DNAH7: variants seen among roughly 807,000 people sequenced by gnomAD.
The protein encoded by DNAH7 is axonemal beta dynein heavy chain 7.
A neutral mutation model predicts 444.6 loss-of-function variants in DNAH7; 397 were observed. The observed-to-expected ratio is 0.89, with a 90% CI of 0.82 to 0.97. The LOEUF is 0.97. Ranked by LOEUF, DNAH7 falls within the 50% of genes least tolerant of loss-of-function variation. The pLI is 0.00. For synonymous variants in DNAH7, 1,636 were observed against 1,624.4 expected (o/e 1.01, Z -0.17); for missense variants, 4,902 against 4,800.8 (o/e 1.02, Z -0.62).
At chr2:195,764,513 G>T (rs1332879793) in intron 61 of DNAH7, among the ~76,000 whole-genome samples, 1 of 151,978 alleles carries the variant, frequency 6.6e-6, no homozygotes, top group Admixed American at 6.6e-5. Context: ...CAAAAATACT[G>T]TTGGAATTGA....
At position 196,047,342 on chromosome 2, in the gene DNAH7, T is replaced by C. The variant is rs149947005; in HGVS notation, c.398+10A>G. On this transcript the variant is annotated intron_variant, in intron 5 of 64. Transcript: ENST00000312428. ...TGGGTAACACGTAATGGTTAGCCTATACAACTTACATAATGACATTAACAA... is the reference window on the plus strand; with the variant it reads ...TGGGTAACACGTAATGGTTAGCCTACACAACTTACATAATGACATTAACAA... 3.8e-5 allele frequency: 60 copies of C among 1,567,310 alleles called. No homozygotes were observed. Among genetic ancestry groups the C allele is most frequent in the Non-Finnish European group, 4.8e-5 (55 of 1,154,642 alleles).
chr2:196,013,045 A>C, intron 9 of DNAH7, 139 bp from the exon 10 acceptor site: 1 of 537,148 alleles, frequency 1.9e-6, no homozygotes, highest in East Asian at 3.6e-5. Flanking sequence ...TAAATGTTAA[A>C]GAACACAAGA....
chr2:195,955,902 A>G (rs2125504522), intron 19 of DNAH7, among the ~76,000 whole-genome samples: 1 of 152,322 alleles, frequency 6.6e-6, no homozygotes, highest in Middle Eastern at 3.4e-3. Flanking sequence ...GACTGAATTT[A>G]TGACATAAAT....
chr2:195,775,606 G>T (rs2105947530), intron 60 of DNAH7, among the ~76,000 whole-genome samples: 1 of 147,050 alleles, frequency 6.8e-6, no homozygotes, highest in East Asian at 2.0e-4. Flanking sequence ...GAAGCAGAAT[G>T]ATACTTAAAG....
rs529941531 is a variant in DNAH7 at position 195,816,921 on chromosome 2, T to C, written c.9468A>G (p.Ser3156=). ...EIEDKILEVL[S]SSEGNILEDE... is the part of the protein sequence containing the mutation. The stretch of plus-strand genomic sequence containing the variant: ...CTTCTAATATATTGCCTTCCGAAGA[T>C]GAAAGAACTTCTAAAATCTTGTCTT... Residue 3156 remains serine, a synonymous_variant, in exon 51 of 65, where the codon TCA becomes TCG. Transcript: ENST00000312428. 6.8e-6 allele frequency: 11 copies of C among 1,607,306 alleles called. No homozygotes were observed. The highest frequency in any genetic ancestry group is 9.3e-6 in the Non-Finnish European group (11 of 1,177,086).
chr2:195,919,929 G>A (rs1160218013), intron 24 of DNAH7, among the ~76,000 whole-genome samples: 3 of 152,154 alleles, frequency 2.0e-5, no homozygotes, highest in Non-Finnish European at 4.4e-5. Context: ...GTAGGCTTGT[G>A]TATAGCAAGC....
intron 5 of DNAH7, among the ~76,000 whole-genome samples, chr2:196,045,963 A>T (rs78250202): frequency 0.017 from 2,632 of 152,232 alleles, 80 homozygotes; most frequent in African/African-American, 0.06. Context: ...GAACTCTAAG[A>T]TTGAATTTCA....
intron 5 of DNAH7, among the ~76,000 whole-genome samples, chr2:196,028,846 T>C (rs893751644): frequency 9.9e-5 from 15 of 152,214 alleles, no homozygotes; most frequent in African/African-American, 2.9e-4. Flanking sequence ...TCGAGGTTCA[T>C]TGAGTATATC....
intron 5 of DNAH7, among the ~76,000 whole-genome samples, chr2:196,044,104 C>G (rs1696942103): frequency 6.6e-6 from 1 of 151,920 alleles, no homozygotes; most frequent in Admixed American, 6.6e-5. Context: ...CACTTGCACA[C>G]ACGTTTATAG....
intron 28 of DNAH7, among the ~76,000 whole-genome samples, chr2:195,899,274 G>C (rs1015655568): frequency 5.3e-5 from 8 of 152,112 alleles, no homozygotes; most frequent in African/African-American, 1.9e-4. Context: ...AAAATATTCA[G>C]GCCAGAACAT....
At position 195,880,392 on chromosome 2, in the gene DNAH7, G is replaced by A. The variant is rs190871393; in HGVS notation, c.5961+1403C>T. 3.1e-3 allele frequency among the ~76,000 whole-genome samples: 449 copies of A among 145,704 alleles called. 3 individuals are homozygous for A. Among genetic ancestry groups the A allele is most frequent in the African/African-American group, 0.011 (430 of 39,520 alleles). ...CGCCCAGGCTGGCGTGCAGTGGCGC[G>A]ATCTCGGCTCACTGCAAGCTCCACC... On this transcript the variant is annotated intron_variant, in intron 36 of 64. Coordinates refer to ENST00000312428, the MANE Select transcript of DNAH7 (RefSeq NM_018897.3).
At chr2:196,045,214 G>A (rs1014511423) in intron 5 of DNAH7, among the ~76,000 whole-genome samples, 1 of 147,222 alleles carries the variant, frequency 6.8e-6, no homozygotes, top group African/African-American at 2.6e-5. Flanking sequence ...GGAGGAGGAG[G>A]AGGAGAAGGA....
intron 12 of DNAH7, chr2:195,999,268 G>A (rs1418779448): frequency 2.8e-5 from 20 of 711,944 alleles, no homozygotes; most frequent in Non-Finnish European, 2.4e-5. Context: ...ACAAAAGATG[G>A]TTGCCTTAAG....
intron 41 of DNAH7, 101 bp downstream of exon 41, chr2:195,864,048 A>G (rs913741423): frequency 1.8e-6 from 2 of 1,134,252 alleles, no homozygotes; most frequent in African/African-American, 1.6e-5. Flanking sequence ...GCTAAACAAT[A>G]TTTTGGGGTA....
In DNAH7 at chr2:195,895,097, A is replaced by G. The variant is rs201577197; in HGVS notation, c.4775T>C (p.Ile1592Thr). Residue 1592 changes from isoleucine (I) to threonine (T), a missense_variant, in exon 30 of 65, where the codon ATT (isoleucine) becomes ACT (threonine). By Grantham distance (89) the Ile-to-Thr change is moderately conservative. Transcript: ENST00000312428. ...AATCATCATTTCATATACTTGAAGA[A>G]TCTTCTCGGAAAAGAATGCAGTCAT... ...LQMTAFFSEKILQVYEMMIVR... is the reference protein window; with the variant it reads ...LQMTAFFSEKTLQVYEMMIVR... 7.1e-5 allele frequency: 115 copies of G among 1,613,652 alleles called. No homozygotes were observed. Among genetic ancestry groups the G allele is most frequent in the Non-Finnish European group, 8.7e-5 (103 of 1,179,802 alleles).
At chr2:195,762,330 G>A (rs571551527) in intron 61 of DNAH7, among the ~76,000 whole-genome samples, 2 of 151,878 alleles carry the variant, frequency 1.3e-5, no homozygotes, top group South Asian at 4.2e-4. Flanking sequence ...AAGGAAAGGA[G>A]GAGAAAACCA....
At chr2:195,950,077 T>G (rs1490151885) in intron 19 of DNAH7, among the ~76,000 whole-genome samples, 1 of 152,164 alleles carries the variant, frequency 6.6e-6, no homozygotes, top group African/African-American at 2.4e-5. Context: ...TTTTGTTGTG[T>G]CTCTGCCAGG....
At chr2:195,738,857 A>AC (rs1692814723) in intron 64 of DNAH7, among the ~76,000 whole-genome samples, 1 of 152,084 alleles carries the variant, frequency 6.6e-6, no homozygotes, top group Admixed American at 6.6e-5. Context: ...CAATGTTCAG[A>AC]CCCCTCTTTT....
chr2:195,804,580 A>G (rs1696620860), intron 54 of DNAH7, among the ~76,000 whole-genome samples: 1 of 152,208 alleles, frequency 6.6e-6, no homozygotes, highest in East Asian at 1.9e-4. Context: ...TCTGAGTCTT[A>G]AGGCAACTGT....
Sources: gnomAD v4.1 joint callset for allele counts (sites outside exome capture counted in the v4.1 genomes callset) on GRCh38, gnomAD v4.1.1 for gene constraint, MANE v1.5 for transcripts, NCBI Gene and HGNC (gene_info 2026-07-23, HGNC 2026-07-21) for gene names.